TTC7A: variants seen among roughly 807,000 people sequenced by gnomAD.
TTC7A encodes the protein tetratricopeptide repeat protein 7A.
A neutral mutation model predicts 103.7 loss-of-function variants in TTC7A; 110 were observed. The ratio of observed to expected loss-of-function variants is 1.06; its 90% confidence interval spans 0.91 to 1.24. The LOEUF is 1.24. Among genes scored for constraint, TTC7A ranks in the 50% most tolerant of loss-of-function variants. The probability of loss-of-function intolerance (pLI) is 0.00; values close to 1 mark genes in which losing one functional copy is unlikely to be tolerated. For missense variants in TTC7A, 1,340 were observed against 1,116.3 expected, an observed-to-expected ratio of 1.20 and a Z score of -2.86; for synonymous variants, 521 against 467.9, an observed-to-expected ratio of 1.11 and a Z score of -1.47.
chr2:46,916,004 G>C (rs1460002163), upstream of TTC7A: 5 of 985,410 alleles, frequency 5.1e-6, no homozygotes, highest in Middle Eastern at 5.2e-4. Flanking sequence ...GGCGACACTC[G>C]GCTCCACTCC....
At chr2:47,016,261 C>T (rs182118852) in intron 11 of TTC7A, among the ~76,000 whole-genome samples, 26 of 152,304 alleles carry the variant, frequency 1.7e-4, no homozygotes, top group Non-Finnish European at 3.2e-4. Context: ...TCAATGCATC[C>T]TTTTCCAAAG....
intron 19 of TTC7A, among the ~76,000 whole-genome samples, chr2:47,061,638 C>T (rs992420633): frequency 3.3e-5 from 5 of 152,210 alleles, no homozygotes; most frequent in African/African-American, 1.2e-4. Context: ...GGCCTTACCT[C>T]TACCTGGTGA....
At chr2:46,925,085 ATC>A (rs1183141413) in intron 2 of TTC7A, among the ~76,000 whole-genome samples, 10 of 152,212 alleles carry the variant, frequency 6.6e-5, no homozygotes, top group African/African-American at 9.7e-5. Context: ...TGTAATACAG[ATC>A]TGTTTGTTGC....
At chr2:46,960,454 C>A (rs1303649568) in intron 3 of TTC7A, among the ~76,000 whole-genome samples, 1 of 152,184 alleles carries the variant, frequency 6.6e-6, no homozygotes, top group Non-Finnish European at 1.5e-5. Context: ...GGAAGCTGAG[C>A]CTCTGATGTA....
At chr2:47,021,661 C>T (rs1218253131) in intron 11 of TTC7A, among the ~76,000 whole-genome samples, 1 of 152,238 alleles carries the variant, frequency 6.6e-6, no homozygotes. Flanking sequence ...CCCAAACTGG[C>T]CCGGTCTTGG....
intron 11 of TTC7A, among the ~76,000 whole-genome samples, chr2:47,014,088 A>G (rs1266475751): frequency 1.3e-5 from 2 of 152,146 alleles, no homozygotes; most frequent in South Asian, 2.1e-4. Context: ...CCAGGGTTCA[A>G]TGCCTGGTGC....
intron 3 of TTC7A, among the ~76,000 whole-genome samples, chr2:46,964,268 G>T (rs1424433569): frequency 6.6e-6 from 1 of 152,228 alleles, no homozygotes; most frequent in African/African-American, 2.4e-5. Context: ...GCAAGGGAAG[G>T]CCAAAGGGAA....
chr2:47,014,639 G>A (rs990857321), intron 11 of TTC7A, among the ~76,000 whole-genome samples: 5 of 152,160 alleles, frequency 3.3e-5, no homozygotes, highest in Admixed American at 3.3e-4. Context: ...CATGAGACAG[G>A]GCACAGATCC....
rs528257900 is a variant in TTC7A, at chr2:46,956,973, G to A, written c.483G>A (p.Gln161=). The A allele has an allele frequency of 3.1e-6, 5 of 1,614,202 alleles. No homozygotes were observed. The East Asian group carries it at 8.9e-5, about 29-fold the overall frequency. The change falls in exon 3 of 20, where the codon CAG becomes CAA. Residue 161 remains glutamine (Q), a synonymous_variant. Transcript: ENST00000319190. ...DMSMENKPLY[Q]MRLLSEAFVI... is the part of the protein sequence containing the mutation. ...CCATGGAGAACAAGCCCCTGTATCA[G>A]ATGCGGCTGCTGTCGGAGGCTTTTG...
intron 1 of TTC7A, among the ~76,000 whole-genome samples, chr2:46,948,999 T>C (rs985010090): frequency 1.3e-5 from 2 of 152,202 alleles, no homozygotes; most frequent in Non-Finnish European, 2.9e-5. Context: ...TCAACAGGTA[T>C]TTACTCAGTG....
At chr2:46,990,631 G>C (rs1257862946) in intron 5 of TTC7A, among the ~76,000 whole-genome samples, 1 of 152,070 alleles carries the variant, frequency 6.6e-6, no homozygotes, top group African/African-American at 2.4e-5. Context: ...AGTGTGCTTG[G>C]GGCCACATGT....
chr2:46,968,886 T>A (rs1673097485), intron 3 of TTC7A, among the ~76,000 whole-genome samples: 1 of 151,924 alleles, frequency 6.6e-6, no homozygotes, highest in Non-Finnish European at 1.5e-5. Context: ...CCCCTTGGGC[T>A]CTTTTCTAAT....
chr2:46,999,825 G>A (rs1676608986), intron 8 of TTC7A: 1 of 985,314 alleles, frequency 1.0e-6, no homozygotes, highest in South Asian at 4.7e-5. Flanking sequence ...TCATTCAGCT[G>A]GCGAACAAGT....
intron 12 of TTC7A, 22 bp downstream of exon 12, chr2:47,022,001 G>T (rs1679344311): frequency 6.4e-7 from 1 of 1,573,338 alleles, no homozygotes; most frequent in Non-Finnish European, 8.7e-7. Context: ...GCCCCAGGAG[G>T]CCTCTACTTG....
intron 3 of TTC7A, among the ~76,000 whole-genome samples, chr2:46,957,395 A>G (rs1671968954): frequency 6.6e-6 from 1 of 152,268 alleles, no homozygotes; most frequent in South Asian, 2.1e-4. Flanking sequence ...TTTACAAAGT[A>G]TGACCTCTCA....
chr2:46,969,017 C>T (rs1251751441), intron 3 of TTC7A, among the ~76,000 whole-genome samples: 1 of 151,716 alleles, frequency 6.6e-6, no homozygotes, highest in Non-Finnish European at 1.5e-5. Context: ...GATCCCCTGC[C>T]TCAGCTCCCA....
At chr2:46,993,304 C>A (rs1202285218) in intron 5 of TTC7A, 146 bp from the exon 6 acceptor site, 4 of 725,006 alleles carry the variant, frequency 5.5e-6, no homozygotes, top group Non-Finnish European at 9.6e-6. Flanking sequence ...CCTGGTGTTA[C>A]AACTCTAACT....
intron 3 of TTC7A, among the ~76,000 whole-genome samples, chr2:46,966,900 G>GTT (rs70940650): frequency 0.036 from 5,200 of 143,698 alleles, 114 homozygotes; most frequent in South Asian, 0.048. Flanking sequence ...TGTGTTTTTT[G>GTT]TTTTTTTTTT....
At chr2:47,046,457 G>A (rs1682333100) in intron 16 of TTC7A, 26 bp downstream of exon 16, 4 of 1,591,344 alleles carry the variant, frequency 2.5e-6, no homozygotes, top group East Asian at 2.2e-5. Flanking sequence ...TGTCTCTTGG[G>A]TTGCCAGAGG....
Sources: gnomAD v4.1 joint callset for allele counts (sites outside exome capture counted in the v4.1 genomes callset) on GRCh38, gnomAD v4.1.1 for gene constraint, MANE v1.5 for transcripts, NCBI Gene and HGNC (gene_info 2026-07-23, HGNC 2026-07-21) for gene names.